The following HMBOX1 variants were observed in gnomAD, a reference collection of about 807,000 sequenced individuals.
HMBOX1 encodes the protein homeobox containing 1.
Under a neutral mutation model 54.5 loss-of-function variants are expected in HMBOX1, and 14 were observed. The ratio of observed to expected loss-of-function variants is 0.26; its 90% CI spans 0.17 to 0.40. The LOEUF (loss-of-function observed/expected upper bound fraction) is 0.40. Among genes scored for constraint, HMBOX1 ranks in the 10% least tolerant of loss-of-function variants. HMBOX1 has a pLI of 1.00. For missense variants in HMBOX1, 332 were observed against 514.4 expected, an observed-to-expected ratio of 0.65 and a Z score of 3.43; for synonymous variants, 160 against 181.0, an observed-to-expected ratio of 0.88 and a Z score of 0.93.
At chr8:28,933,679 C>A (rs941833626) in intron 1 of HMBOX1, among the ~76,000 whole-genome samples, 1 of 152,128 alleles carries the variant, frequency 6.6e-6, no homozygotes, top group African/African-American at 2.4e-5. Flanking sequence ...GACTTTATTC[C>A]TGTAAATTTG....
intron 1 of HMBOX1, among the ~76,000 whole-genome samples, chr8:28,911,448 C>G (rs1048440807): frequency 3.9e-5 from 6 of 152,188 alleles, no homozygotes; most frequent in African/African-American, 1.4e-4. Flanking sequence ...CACTGCCTCC[C>G]GGGTTCAAGC....
intron 4 of HMBOX1, among the ~76,000 whole-genome samples, chr8:28,994,474 A>G (rs1831493664): frequency 6.6e-6 from 1 of 152,212 alleles, no homozygotes; most frequent in African/African-American, 2.4e-5. Flanking sequence ...TCATATGGAT[A>G]AAGAACTAAA....
At chr8:29,003,555 A>ATATATATATATATAT (rs1832971970) in intron 4 of HMBOX1, among the ~76,000 whole-genome samples, 1 of 71,312 alleles carries the variant, frequency 1.4e-5, no homozygotes, top group Non-Finnish European at 2.7e-5. Context: ...TTCTGTATTA[A>ATATATATATATATAT]ATATATATAT....
In HMBOX1 at chr8:28,970,666, G is replaced by A. The variant is rs1223368128; in HGVS notation, c.500+147G>A. Reference sequence around the variant, plus strand: ...CTGTAACTTCCTCCTCCCACCTTTGGAGATGAAAGAAAGAAAGTTCAAGCT... The same window carrying A: ...CTGTAACTTCCTCCTCCCACCTTTGAAGATGAAAGAAAGAAAGTTCAAGCT... On this transcript the variant is annotated intron_variant, in intron 3 of 9. Transcript: ENST00000287701. This position sits in a 1 kb window ranked among gnomAD's most constrained non-coding sequence, Gnocchi z 4.3. 3.7e-6 allele frequency: 2 copies of A among 543,760 alleles called. No homozygotes were observed. The highest frequency in any genetic ancestry group is 3.2e-5 in the Admixed American group (1 of 31,210). 33.7% of individuals were successfully genotyped at this position (543,760 alleles called of 1,614,324 possible).
chr8:29,045,495 C>T (rs1805438002), intron 7 of HMBOX1, 52 bp downstream of exon 7: 3 of 1,434,404 alleles, frequency 2.1e-6, no homozygotes, highest in Middle Eastern at 3.5e-4. Context: ...CGCTTGGTTA[C>T]AGGTTGGCAT....
chr8:28,895,768 TCTCA>T (rs1811985840), intron 1 of HMBOX1, among the ~76,000 whole-genome samples: 1 of 152,188 alleles, frequency 6.6e-6, no homozygotes. Flanking sequence ...TGGATGAAGT[TCTCA>T]CTCTTCATCC....
At chr8:29,007,320 T>A (rs1472110780) in intron 4 of HMBOX1, among the ~76,000 whole-genome samples, 1 of 151,800 alleles carries the variant, frequency 6.6e-6, no homozygotes, top group Non-Finnish European at 1.5e-5. Flanking sequence ...AAAAGTAGTA[T>A]TAAAAAATAA....
intron 1 of HMBOX1, among the ~76,000 whole-genome samples, chr8:28,906,995 GAAAATGTTATCAAAATTATTGA>G (rs1282082530): frequency 3.3e-5 from 5 of 152,104 alleles, no homozygotes; most frequent in African/African-American, 7.2e-5. Flanking sequence ...CAAAATTATT[GAAAATGTTATCAAAATTATTGA>G]AAAATGTTAT....
At chr8:28,964,875 A>T (rs1313433311) in intron 2 of HMBOX1, among the ~76,000 whole-genome samples, 1 of 152,114 alleles carries the variant, frequency 6.6e-6, no homozygotes, top group East Asian at 1.9e-4. Context: ...CCCACTTTTT[A>T]AAAAAATTTA....
chr8:28,988,482 G>A (rs11785025), intron 4 of HMBOX1, among the ~76,000 whole-genome samples: 28,830 of 152,094 alleles, frequency 0.19, 3,064 homozygotes, highest in South Asian at 0.29. Context: ...GTAAATATAC[G>A]TTTAACTTTT....
chr8:29,050,226 T>C, intron 9 of HMBOX1: 1 of 984,980 alleles, frequency 1.0e-6, no homozygotes. Flanking sequence ...CAAAGCTCTT[T>C]GATACGGAGT....
intron 5 of HMBOX1, among the ~76,000 whole-genome samples, chr8:29,012,362 C>G (rs1183861048): frequency 1.3e-5 from 2 of 152,122 alleles, no homozygotes; most frequent in African/African-American, 4.8e-5. Flanking sequence ...CCCAGATGTC[C>G]CTCAGTTGAG....
chr8:28,915,828 G>A (rs1180691155), intron 1 of HMBOX1: 2 of 152,014 alleles, frequency 1.3e-5, no homozygotes, highest in African/African-American at 2.4e-5. Context: ...AGCCTCCTGA[G>A]TAGCTAGAAC....
At chr8:29,017,208 G>C (rs369914785) in intron 5 of HMBOX1, among the ~76,000 whole-genome samples, 2 of 152,116 alleles carry the variant, frequency 1.3e-5, no homozygotes, top group South Asian at 2.1e-4. Context: ...GGCTATCCTG[G>C]GCTTCCTTAC....
At chr8:28,949,427 C>G (rs898036237) in intron 1 of HMBOX1, among the ~76,000 whole-genome samples, 1 of 152,146 alleles carries the variant, frequency 6.6e-6, no homozygotes, top group African/African-American at 2.4e-5. Flanking sequence ...ATTATTTACC[C>G]GATTATCAAG....
At chr8:29,009,739 A>G (rs1223035339) in intron 5 of HMBOX1, 1 of 1,286,194 alleles carries the variant, frequency 7.8e-7, no homozygotes, top group Admixed American at 2.3e-5. Flanking sequence ...AAGCAGAATG[A>G]AATCTTAAGA....
intron 9 of HMBOX1, chr8:29,050,711 T>G (rs1321415904): frequency 6.4e-6 from 2 of 310,268 alleles, no homozygotes; most frequent in African/African-American, 4.3e-5. Context: ...ATTGTTGGTT[T>G]TATATCAATC....
At chr8:28,956,905 A>C (rs1191219036) in intron 1 of HMBOX1, among the ~76,000 whole-genome samples, 1 of 152,212 alleles carries the variant, frequency 6.6e-6, no homozygotes, top group Non-Finnish European at 1.5e-5. Flanking sequence ...CTTATCATTA[A>C]TCATCAGTGA....
At position 29,051,194 on chromosome 8, in the gene HMBOX1, C is replaced by T. The variant is rs746359031; in HGVS notation, c.*39C>T. ...ACATGACAAGTTAACTTAGTTTAGA[C>T]GTAGCACCTTAGCAGACTTTCCTCG... On this transcript the variant is annotated 3_prime_UTR_variant, in exon 10 of 10. Transcript: ENST00000287701. The T allele has an allele frequency of 1.1e-5, 17 of 1,607,214 alleles. No individual in the cohort carries two copies. Among genetic ancestry groups the T allele is most frequent in the South Asian group, 7.8e-5 (7 of 90,320 alleles).
Sources: allele counts gnomAD v4.1 joint callset (sites outside exome capture counted in the v4.1 genomes callset), GRCh38; gene constraint gnomAD v4.1.1; non-coding constraint Gnocchi (gnomAD v3.1); transcripts MANE v1.5; gene names NCBI Gene and HGNC (gene_info 2026-07-23, HGNC 2026-07-21).